CD3G: variants seen among roughly 807,000 people sequenced by gnomAD.
The protein encoded by CD3G is CD3 gamma subunit of T-cell receptor complex, also known as T-cell surface glycoprotein CD3 gamma chain.
A neutral mutation model predicts 28.3 loss-of-function variants in CD3G; 24 were observed. The ratio of observed to expected loss-of-function variants is 0.85; its 90% CI spans 0.61 to 1.19. CD3G has a LOEUF of 1.19. CD3G is among the 50% of genes most tolerant of loss of function. The pLI, the probability that CD3G is intolerant of heterozygous loss-of-function variation, is 0.00. For synonymous variants in CD3G, 71 were observed against 75.9 expected, an observed-to-expected ratio of 0.93 and a Z score of 0.34; for missense variants, 211 against 210.0, an observed-to-expected ratio of 1.00 and a Z score of -0.03.
At position 118,349,850 on chromosome 11, in the gene CD3G, G is replaced by A. The variant is rs755334490; in HGVS notation, c.187G>A (p.Gly63Ser). 8.7e-6 allele frequency: 14 copies of A among 1,613,884 alleles called. No homozygotes were observed. Among genetic ancestry groups the A allele is most frequent in the East Asian group, 6.7e-5 (3 of 44,874 alleles). Residue 63 changes from glycine (G) to serine (S), a missense_variant, in exon 3 of 7, where the codon GGC (glycine) becomes AGC (serine). Physicochemically the swap from Gly to Ser is moderately conservative, Grantham distance 56 (BLOSUM62 0). Coordinates refer to ENST00000532917, the MANE Select transcript of CD3G (RefSeq NM_000073.3). ...ITWFKDGKMI[G>S]FLTEDKKKWN... ...ATGGTTTAAAGATGGGAAGATGATC[G>A]GCTTCCTAACTGAAGATAAAAAAAA...
Position 118,354,300 on chromosome 11 carries a change from T to G in CD3G, c.*1200T>G, listed in dbSNP as rs1000309145. 5 of 143,566 alleles carry G rather than the reference T, an allele frequency of 3.5e-5. No homozygotes were observed. The highest frequency in any genetic ancestry group is 1.3e-4 in the African/African-American group (5 of 38,652). The allele number at this position is 143,566 out of a possible 1,614,324, so 8.9% of individuals were successfully genotyped here. On this transcript the variant is annotated 3_prime_UTR_variant, in exon 7 of 7. Transcript: ENST00000532917. Reference sequence around the variant, plus strand: ...TCTTTTTTTTCTTTTCTTTTCTTTTTTTTCTTTTTTTTTTTTTTTTGAAGT... The same window carrying G: ...TCTTTTTTTTCTTTTCTTTTCTTTTGTTTCTTTTTTTTTTTTTTTTGAAGT...
chr11:118,350,002 A>C, intron 3 of CD3G, 32 bp downstream of exon 3: 1 of 1,556,702 alleles, frequency 6.4e-7, no homozygotes. Flanking sequence ...GTTTGTTGTG[A>C]AATTAATCAG....
rs1165958911 is a variant in CD3G at position 118,352,392 on chromosome 11, T to C, written c.484-12T>C. On this transcript the variant is annotated splice_polypyrimidine_tract_variant and intron_variant, in intron 5 of 6. Transcript: ENST00000532917. ...TGGAAAAAATGACTTATGACTGTGC[T>C]GTCCTTTCCAGCCCCTCAAGGATCG... 3.1e-6 allele frequency: 5 copies of C among 1,611,426 alleles called. No homozygotes were observed. Among genetic ancestry groups the C allele is most frequent in the Admixed American group, 1.7e-5 (1 of 60,028 alleles).
intron 6 of CD3G, 77 bp downstream of exon 6, chr11:118,352,564 C>A: frequency 1.0e-6 from 1 of 976,040 alleles, no homozygotes. Context: ...GTCTAGCTCC[C>A]TTCCCTAAGC....
intron 1 of CD3G, 38 bp from the exon 2 acceptor site, chr11:118,348,989 T>G (rs1366099831): frequency 6.2e-7 from 1 of 1,613,222 alleles, no homozygotes; most frequent in Admixed American, 1.7e-5. Flanking sequence ...AACAACTCCA[T>G]GCCCAGCTAA....
In CD3G at chr11:118,349,667, G is replaced by T; in HGVS notation, c.80-76G>T. On this transcript the variant is annotated intron_variant, in intron 2 of 6. Transcript: ENST00000532917. Reference sequence around the variant, plus strand: ...AAAGTTTGAGAAACACTACTCTAATGATCTCCTGGTATGCAGAAGCAGGGA... The same window carrying T: ...AAAGTTTGAGAAACACTACTCTAATTATCTCCTGGTATGCAGAAGCAGGGA... 3.7e-6 allele frequency: 4 copies of T among 1,083,272 alleles called. No homozygotes were observed. In the South Asian group the frequency reaches 3.8e-5, roughly 10 times the overall value. The allele number at this position is 1,083,272 out of a possible 1,614,324, so 67.1% of individuals were successfully genotyped here. A position where few individuals can be genotyped will look rare whatever the true frequency, so the allele number is the denominator to read the frequency against.
intron 3 of CD3G, 56 bp from the exon 4 acceptor site, chr11:118,350,496 G>C: frequency 1.5e-6 from 2 of 1,316,502 alleles, no homozygotes; most frequent in South Asian, 1.2e-5. Flanking sequence ...AGGAGAAAAC[G>C]AACCAGGAAA....
intron 1 of CD3G, among the ~76,000 whole-genome samples, chr11:118,348,793 C>A (rs140572326): frequency 2.0e-5 from 3 of 152,174 alleles, no homozygotes; most frequent in Non-Finnish European, 4.4e-5. Context: ...GAAATTCCAA[C>A]GGTTAGAAAC....
Position 118,353,670 on chromosome 11 carries a change from A to AGG in CD3G, c.*570_*571insGG, listed in dbSNP as rs1948428610. 2.6e-5 allele frequency: 4 copies of AGG among 151,480 alleles called. No individual in the cohort carries two copies. Among genetic ancestry groups the AGG allele is most frequent in the African/African-American group, 9.7e-5 (4 of 41,108 alleles). 9.4% of individuals were successfully genotyped at this position (151,480 alleles called of 1,614,324 possible). Reference sequence around the variant, plus strand: ...CTCAGCCTCCCGGGCAGCTGGGATTACAGGCACACACTACCACACCTGGCT... The same window carrying AGG: ...CTCAGCCTCCCGGGCAGCTGGGATTAGGCAGGCACACACTACCACACCTGGCT... On this transcript the variant is annotated 3_prime_UTR_variant, in exon 7 of 7. Transcript: ENST00000532917.
At chr11:118,351,593 C>A (rs1167336133) in intron 4 of CD3G, 35 bp from the exon 5 acceptor site, 2 of 1,611,108 alleles carry the variant, frequency 1.2e-6, no homozygotes, top group South Asian at 2.2e-5. Context: ...ATTATGCATT[C>A]TACCTTGTGT....
At chr11:118,350,955 G>C (rs1181394) in intron 4 of CD3G, 1 of 958,204 alleles carries the variant, frequency 1.0e-6, no homozygotes, top group Non-Finnish European at 1.4e-6. Flanking sequence ...TTGGGAGGCC[G>C]AGGCGGGCAG....
In CD3G at chr11:118,344,386, G is replaced by T; in HGVS notation, c.-38G>T. 5 of 1,547,154 alleles carry T rather than the reference G, an allele frequency of 3.2e-6. No individual in the cohort carries two copies. The highest frequency in any genetic ancestry group is 4.4e-6 in the Non-Finnish European group (5 of 1,141,828). On this transcript the variant is annotated 5_prime_UTR_variant, in exon 1 of 7. In the 5' UTR this introduces an upstream ATG that the reference lacks. Transcript: ENST00000532917. ...GGCTGGCTGGCTGGCTGGCTGCTAA[G>T]GGCTGCTCCACGCTTTTGCCGGAGG...
chr11:118,347,290 G>A (rs989404648), intron 1 of CD3G, among the ~76,000 whole-genome samples: 9 of 152,104 alleles, frequency 5.9e-5, no homozygotes, highest in Admixed American at 1.3e-4. Context: ...GACAAATGTC[G>A]TTTCCTCTAT....
At chr11:118,346,777 C>T (rs911805059) in intron 1 of CD3G, among the ~76,000 whole-genome samples, 5 of 144,960 alleles carry the variant, frequency 3.4e-5, no homozygotes, top group African/African-American at 1.0e-4. Flanking sequence ...CACACCACTG[C>T]ACTTCAGCCT....
intron 5 of CD3G, among the ~76,000 whole-genome samples, chr11:118,351,901 A>G (rs1948412974): frequency 6.6e-6 from 1 of 152,050 alleles, no homozygotes; most frequent in Non-Finnish European, 1.5e-5. Flanking sequence ...GGGACACACG[A>G]AGAAACTCTC....
chr11:118,353,024 T>C (rs143539314), intron 6 of CD3G, 95 bp from the exon 7 acceptor site: 1 of 159,864 alleles, frequency 6.3e-6, no homozygotes, highest in East Asian at 1.8e-4. Context: ...TCAGAAGTTA[T>C]GATTTAATTA....
chr11:118,345,821 C>T (rs924394369), intron 1 of CD3G, among the ~76,000 whole-genome samples: 18 of 152,262 alleles, frequency 1.2e-4, no homozygotes, highest in African/African-American at 3.9e-4. Context: ...TAACAACTTC[C>T]GTGTTCTAAA....
intron 4 of CD3G, chr11:118,350,904 C>CAAAAAAAAA (rs978981914): frequency 4.6e-6 from 4 of 863,882 alleles, no homozygotes; most frequent in South Asian, 6.4e-5. Flanking sequence ...AAAAAAAAAA[C>CAAAAAAAAA]AAAAACAGGC....
At chr11:118,348,067 C>T (rs1948372770) in intron 1 of CD3G, among the ~76,000 whole-genome samples, 1 of 152,200 alleles carries the variant, frequency 6.6e-6, no homozygotes, top group South Asian at 2.1e-4. Context: ...ACACCCACTC[C>T]TTGCCAGGGC....
Sources: allele counts gnomAD v4.1 joint callset (sites outside exome capture counted in the v4.1 genomes callset), GRCh38; gene constraint gnomAD v4.1.1; transcripts MANE v1.5; gene names NCBI Gene and HGNC (gene_info 2026-07-23, HGNC 2026-07-21).